The following ZNF684 variants were observed in gnomAD, a reference collection of about 807,000 sequenced individuals.
The protein encoded by ZNF684 is zinc finger protein 684.
ZNF684 carries 13 observed loss-of-function variants against 12.8 expected under a neutral mutation model. The observed-to-expected ratio is 1.02, with a 90% CI of 0.66 to 1.62. The LOEUF is 1.62. Among genes scored for constraint, ZNF684 ranks in the 40% most tolerant of loss-of-function variants. The pLI is 0.00. For missense variants in ZNF684, 384 were observed against 446.9 expected, an observed-to-expected ratio of 0.86 and a Z score of 1.27; for synonymous variants, 118 against 151.8, an observed-to-expected ratio of 0.78 and a Z score of 1.64.
chr1:40,536,225 C>T (rs1434996580), intron 2 of ZNF684, among the ~76,000 whole-genome samples: 2 of 152,014 alleles, frequency 1.3e-5, no homozygotes, highest in South Asian at 4.2e-4. Context: ...AACCCCGTCT[C>T]TACTAAAAAT....
rs567492440 is a variant in ZNF684 at position 40,540,960 on chromosome 1, G to C, written c.142+248G>C. On this transcript the variant is annotated intron_variant, in intron 3 of 4. Transcript: ENST00000372699. ...TTGTCCCAGCTACTTGGGAGGCTGA[G>C]GTGGAAGGATCGCTTGAGCCTAGGT... Among the ~76,000 whole-genome samples, 4 of 150,870 alleles carry C rather than the reference G, an allele frequency of 2.7e-5. No homozygotes were observed. The South Asian group carries it at 8.4e-4, about 32-fold the overall frequency.
At position 40,547,116 on chromosome 1, in the gene ZNF684, C is replaced by T; in HGVS notation, c.793C>T (p.His265Tyr). The T allele has an allele frequency of 6.2e-7, 1 of 1,614,230 alleles. No individual in the cohort carries two copies. The highest frequency in any genetic ancestry group is 8.5e-7 in the Non-Finnish European group (1 of 1,180,048). Reference sequence around the variant, plus strand: ...CTCATTTAATCAACACGTGAAATCTCATACACTTGAGAAGTCATTTGAATG... The same window carrying T: ...CTCATTTAATCAACACGTGAAATCTTATACACTTGAGAAGTCATTTGAATG... ...NSSFNQHVKS[H>Y]TLEKSFECKE... is the part of the protein sequence containing the mutation. Residue 265 changes from histidine to tyrosine, a missense_variant, in exon 5 of 5, where the codon CAT (histidine) becomes TAT (tyrosine). Physicochemically the swap from His to Tyr is moderately conservative, Grantham distance 83. Coordinates refer to ENST00000372699, the MANE Select transcript of ZNF684 (RefSeq NM_152373.4).
chr1:40,541,263 C>T (rs1032951402), intron 3 of ZNF684: 19 of 174,622 alleles, frequency 1.1e-4, no homozygotes, highest in Non-Finnish European at 1.7e-4. Flanking sequence ...GGTGCAATCT[C>T]GGCTTCACCT....
rs376054660 is a variant in ZNF684, at chr1:40,541,681, A to C, written c.209A>C (p.Glu70Ala). The C allele has an allele frequency of 2.5e-6, 4 of 1,613,364 alleles. No individual in the cohort carries two copies. The highest frequency in any genetic ancestry group is 1.7e-5 in the Admixed American group (1 of 59,954). The change falls in exon 4 of 5, where the codon GAG becomes GCG. Residue 70 changes from glutamate to alanine, a missense_variant. Transcript: ENST00000372699. The part of the protein sequence containing the change: ...VEQGQEPWMV[E>A]GANPHESSPE... ...CAAGGACAAGAGCCATGGATGGTGGAGGGAGCGAATCCACACGAGAGCTCT... is the reference window on the plus strand; with the variant it reads ...CAAGGACAAGAGCCATGGATGGTGGCGGGAGCGAATCCACACGAGAGCTCT...
chr1:40,534,236 A>ATTTT (rs556340597), intron 2 of ZNF684, among the ~76,000 whole-genome samples: 2 of 102,596 alleles, frequency 1.9e-5, no homozygotes. Flanking sequence ...TTTTATTATA[A>ATTTT]TTTTTTTTTT....
At chr1:40,533,661 A>G (rs969652705) in intron 2 of ZNF684, among the ~76,000 whole-genome samples, 4 of 152,170 alleles carry the variant, frequency 2.6e-5, no homozygotes, top group Non-Finnish European at 2.9e-5. Context: ...TCAATTTATA[A>G]GTCCAGGTAT....
chr1:40,544,216 G>C (rs1465187532), intron 4 of ZNF684, among the ~76,000 whole-genome samples: 1 of 151,864 alleles, frequency 6.6e-6, no homozygotes, highest in African/African-American at 2.4e-5. Context: ...TACCTGAAAA[G>C]GTTCAAAGGA....
chr1:40,534,888 T>C (rs751413073), intron 2 of ZNF684, among the ~76,000 whole-genome samples: 15 of 152,050 alleles, frequency 9.9e-5, no homozygotes, highest in Non-Finnish European at 1.9e-4. Context: ...AGCTACTAGG[T>C]AGGCTAGGGC....
chr1:40,540,809 C>T (rs1287122216), intron 3 of ZNF684, 97 bp downstream of exon 3: 2 of 1,242,170 alleles, frequency 1.6e-6, no homozygotes, highest in African/African-American at 1.5e-5. Context: ...TGTGGTCGCT[C>T]ATGCTTATAA....
In ZNF684 at chr1:40,540,721, A is replaced by T; in HGVS notation, c.142+9A>T. 6.3e-7 allele frequency: 1 copy of T among 1,586,026 alleles called. No individual in the cohort carries two copies. Among genetic ancestry groups the T allele is most frequent in the Non-Finnish European group, 8.6e-7 (1 of 1,167,258 alleles). Reference sequence around the variant, plus strand: ...AAACCTCATCTCAGTGGGTAAGGACAATGAGTGGTAACTTTTCAGTGTAAT... The same window carrying T: ...AAACCTCATCTCAGTGGGTAAGGACTATGAGTGGTAACTTTTCAGTGTAAT... On this transcript the variant is annotated intron_variant, in intron 3 of 4. Transcript: ENST00000372699.
At chr1:40,546,426 T>C (rs1328398250) in intron 4 of ZNF684, 136 bp from the exon 5 acceptor site, 2 of 843,542 alleles carry the variant, frequency 2.4e-6, no homozygotes, top group Non-Finnish European at 3.4e-6. Context: ...GTTTTATTCT[T>C]AAAGCTCAGG....
rs919230782 is a variant in ZNF684, at chr1:40,547,055, G to A, written c.732G>A (p.Glu244=). The A allele has an allele frequency of 1.9e-6, 3 of 1,614,164 alleles. No individual in the cohort carries two copies. Among genetic ancestry groups the A allele is most frequent in the Admixed American group, 3.3e-5 (2 of 60,014 alleles). Residue 244 remains glutamate, a synonymous_variant, in exon 5 of 5, where the codon GAG becomes GAA. Transcript: ENST00000372699. ...TTCACACTGGAGAGAAGCCTTATGA[G>A]TGCAGTCAATGTGGGAAAACATTCA... ...QRLHTGEKPY[E]CSQCGKTFTW...
chr1:40,546,527 A>G, intron 4 of ZNF684, 35 bp from the exon 5 acceptor site: 1 of 1,499,624 alleles, frequency 6.7e-7, no homozygotes, highest in Non-Finnish European at 8.9e-7. Context: ...GATGGGAAAA[A>G]GTAACTAGGA....
intron 3 of ZNF684, 106 bp downstream of exon 3, chr1:40,540,818 A>ATAAG: frequency 8.5e-7 from 1 of 1,169,670 alleles, no homozygotes; most frequent in Non-Finnish European, 1.1e-6. Flanking sequence ...TCATGCTTAT[A>ATAAG]ATCCCAGCAC....
intron 2 of ZNF684, among the ~76,000 whole-genome samples, chr1:40,537,341 C>T (rs1392185239): frequency 6.6e-6 from 1 of 152,084 alleles, no homozygotes; most frequent in Non-Finnish European, 1.5e-5. Context: ...GTTGGTAGAG[C>T]CTCATTAAAT....
At chr1:40,537,229 G>A (rs1328327458) in intron 2 of ZNF684, among the ~76,000 whole-genome samples, 7 of 152,108 alleles carry the variant, frequency 4.6e-5, no homozygotes, top group African/African-American at 1.4e-4. Flanking sequence ...GACAGTCTCA[G>A]TAACATCTTA....
chr1:40,544,382 CT>C (rs1251805390), intron 4 of ZNF684: 6 of 424,516 alleles, frequency 1.4e-5, no homozygotes, highest in Admixed American at 5.2e-5. Flanking sequence ...GTTTGTTTGT[CT>C]TTTTTTGAGA....
chr1:40,546,539 T>G (rs1449467075), intron 4 of ZNF684, 23 bp from the exon 5 acceptor site: 20 of 1,505,342 alleles, frequency 1.3e-5, no homozygotes, highest in Non-Finnish European at 1.6e-5. Context: ...TAACTAGGAA[T>G]GTTTTGTTGT....
At position 40,541,681 on chromosome 1, in the gene ZNF684, AG is replaced by A; in HGVS notation, c.212del (p.Gly71GlufsTer30). On this transcript the variant is annotated frameshift_variant, in exon 4 of 5. Coordinates refer to ENST00000372699, the MANE Select transcript of ZNF684 (RefSeq NM_152373.4). LOFTEE classifies it low-confidence loss of function (END_TRUNC). ...CAAGGACAAGAGCCATGGATGGTGG[AG>A]GGAGCGAATCCACACGAGAGCTCTC... is the stretch of plus-strand genomic sequence containing the variant. ...VEQGQEPWMVEGANPHESSPE... is the reference protein window; with the variant it reads ...VEQGQEPWMVXGANPHESSPE... 1 of 1,613,482 alleles carries A rather than the reference AG, an allele frequency of 6.2e-7. No homozygotes were observed. The highest frequency in any genetic ancestry group is 1.1e-5 in the South Asian group (1 of 91,046).
Sources: allele counts gnomAD v4.1 joint callset (sites outside exome capture counted in the v4.1 genomes callset), GRCh38; gene constraint gnomAD v4.1.1; transcripts MANE v1.5; gene names NCBI Gene and HGNC (gene_info 2026-07-23, HGNC 2026-07-21).